Variants in UMOD observed in about 807,000 individuals in gnomAD.
UMOD encodes the protein Tamm-Horsfall urinary glycoprotein.
A neutral mutation model predicts 66.0 loss-of-function variants in UMOD; 64 were observed. The ratio of observed to expected loss-of-function variants is 0.97; its 90% CI spans 0.79 to 1.19. The LOEUF (loss-of-function observed/expected upper bound fraction) is 1.19, where lower values mean the gene tolerates loss of function less well. UMOD is among the 50% of genes most tolerant of loss of function. The pLI, the probability that UMOD is intolerant of heterozygous loss-of-function variation, is 0.00. For missense variants in UMOD, 764 were observed against 850.9 expected (o/e 0.90, Z 1.27); for synonymous variants, 398 against 352.7 (o/e 1.13, Z -1.44).
upstream of UMOD, among the ~76,000 whole-genome samples, chr16:20,354,360 C>T (rs1358065585): frequency 6.6e-6 from 1 of 152,116 alleles, no homozygotes; most frequent in Non-Finnish European, 1.5e-5. Flanking sequence ...CAAACAGCAC[C>T]CCAGAGAATT....
chr16:20,354,844 C>T (rs1369151716), upstream of UMOD, among the ~76,000 whole-genome samples: 10 of 152,072 alleles, frequency 6.6e-5, no homozygotes, highest in Non-Finnish European at 2.9e-5. Context: ...TGTGCCTTTC[C>T]GACTGCAAAT....
At chr16:20,349,669 T>C in intron 2 of UMOD, 3 of 1,455,822 alleles carry the variant, frequency 2.1e-6, no homozygotes, top group Non-Finnish European at 1.8e-6. Flanking sequence ...TCTTTTAAAA[T>C]AGCCACATTC....
intron 10 of UMOD, among the ~76,000 whole-genome samples, chr16:20,334,155 C>T (rs916763540): frequency 6.6e-6 from 1 of 151,836 alleles, no homozygotes; most frequent in Admixed American, 6.6e-5. Flanking sequence ...CCATGAAAAC[C>T]ATGGGCCATA....
Position 20,335,529 on chromosome 16 carries a change from G to GA in UMOD, c.1823-10dup. The GA allele has an allele frequency of 6.2e-7, 1 of 1,613,966 alleles. No individual in the cohort carries two copies. On this transcript the variant is annotated splice_polypyrimidine_tract_variant and intron_variant, in intron 9 of 10. Coordinates refer to ENST00000396138, the MANE Select transcript of UMOD (RefSeq NM_003361.4). ...GACTGTGGCCTGGACACCTTTGGAG[G>GA]AAAACAGAAGGATCAGTGAATAAAG...
intron 7 of UMOD, among the ~76,000 whole-genome samples, chr16:20,337,655 C>T (rs549045028): frequency 2.2e-4 from 34 of 152,220 alleles, no homozygotes; most frequent in African/African-American, 5.5e-4. Context: ...GGATTAAATT[C>T]GTTAATTTCT....
chr16:20,350,806 T>G lies in UMOD; in HGVS notation c.-69A>C. 6.2e-7 allele frequency: 1 copy of G among 1,604,034 alleles called. No homozygotes were observed. The highest frequency in any genetic ancestry group is 8.5e-7 in the Non-Finnish European group (1 of 1,175,258). ...CCAAAGGAAAGACGGGTTGGCCCTTTGAATTTTTCTCTCTGTCTCTGATGT... is the reference window on the plus strand; with the variant it reads ...CCAAAGGAAAGACGGGTTGGCCCTTGGAATTTTTCTCTCTGTCTCTGATGT... On this transcript the variant is annotated 5_prime_UTR_variant, in exon 2 of 11. Coordinates refer to ENST00000396138, the MANE Select transcript of UMOD (RefSeq NM_003361.4).
chr16:20,352,315 T>C (rs1298737127), intron 1 of UMOD, among the ~76,000 whole-genome samples: 1 of 152,136 alleles, frequency 6.6e-6, no homozygotes, highest in African/African-American at 2.4e-5. Flanking sequence ...AAAGGAATGA[T>C]TTTATGACCC....
At chr16:20,340,661 G>T (rs1384814082) in intron 7 of UMOD, among the ~76,000 whole-genome samples, 1 of 151,996 alleles carries the variant, frequency 6.6e-6, no homozygotes, top group Non-Finnish European at 1.5e-5. Flanking sequence ...TATAATGGAT[G>T]GGAATGCTAA....
upstream of UMOD, among the ~76,000 whole-genome samples, chr16:20,354,593 T>G (rs1966003624): frequency 6.6e-6 from 1 of 152,074 alleles, no homozygotes; most frequent in African/African-American, 2.4e-5. Flanking sequence ...GTCTAAACCT[T>G]ATTATGGGTG....
At chr16:20,346,425 C>T in intron 4 of UMOD, 91 bp from the exon 5 acceptor site, 1 of 1,316,264 alleles carries the variant, frequency 7.6e-7, no homozygotes. Flanking sequence ...GCTGGGCTGA[C>T]CACCATCTGG....
intron 9 of UMOD, among the ~76,000 whole-genome samples, chr16:20,336,186 A>G (rs1310196580): frequency 6.6e-6 from 1 of 152,020 alleles, no homozygotes; most frequent in Non-Finnish European, 1.5e-5. Flanking sequence ...TAGACCCTGC[A>G]CTTAATGGAT....
chr16:20,349,044 G>C lies in UMOD; in HGVS notation c.257C>G (p.Thr86Arg), dbSNP rs376787639. 55 of 1,602,486 alleles carry C rather than the reference G, an allele frequency of 3.4e-5. No individual in the cohort carries two copies. The African/African-American group carries it at 6.7e-4, about 20-fold the overall frequency. The change falls in exon 3 of 11, where the codon ACG becomes AGG. Residue 86 changes from threonine (T) to arginine (R), a missense_variant. By Grantham distance (71) the Thr-to-Arg change is moderately conservative. Coordinates refer to ENST00000396138, the MANE Select transcript of UMOD (RefSeq NM_003361.4). ...NCSANSSCVN[T>R]PGSFSCVCPE... ...GCAGACGCAGGAGAAGGAGCCTGGC[G>C]TGTTTACGCAGCTGCTGTTGGCGGA...
chr16:20,354,764 C>A (rs999944274), upstream of UMOD, among the ~76,000 whole-genome samples: 3 of 152,154 alleles, frequency 2.0e-5, no homozygotes, highest in Admixed American at 6.5e-5. Flanking sequence ...TGGGGCCTTA[C>A]TGATCATGGA....
chr16:20,336,780 G>A lies in UMOD; in HGVS notation c.1741-53C>T. ...CCCTCCATGAAGGAGCCTGAATGTG[G>A]TTCTGCCACGTGGAGTGGACTGCCC... On this transcript the variant is annotated intron_variant, in intron 8 of 10. Coordinates refer to ENST00000396138, the MANE Select transcript of UMOD (RefSeq NM_003361.4). The A allele has an allele frequency of 6.5e-6, 10 of 1,548,022 alleles. No homozygotes were observed. The Middle Eastern group carries it at 5.4e-4, about 83-fold the overall frequency.
At chr16:20,345,494 CCCTCCCTCCCTTCCTT>C (rs1965520565) in intron 5 of UMOD, among the ~76,000 whole-genome samples, 1 of 46,594 alleles carries the variant, frequency 2.1e-5, no homozygotes, top group African/African-American at 1.0e-4. Context: ...CTCCCTCCCT[CCCTCCCTCCCTTCCTT>C]CCTTCCTTCC....
At chr16:20,347,877 G>A (rs1479078742) in intron 4 of UMOD, among the ~76,000 whole-genome samples, 1 of 152,146 alleles carries the variant, frequency 6.6e-6, no homozygotes, top group African/African-American at 2.4e-5. Flanking sequence ...TCACCGGGCC[G>A]GGCTTGTGTT....
chr16:20,350,068 T>A (rs555964693), intron 2 of UMOD, among the ~76,000 whole-genome samples: 1 of 151,968 alleles, frequency 6.6e-6, no homozygotes, highest in African/African-American at 2.4e-5. Flanking sequence ...AGCCCCTTAC[T>A]CCTTTGGTAA....
At chr16:20,334,008 TG>T (rs1230292969) in intron 10 of UMOD, among the ~76,000 whole-genome samples, 1 of 116,796 alleles carries the variant, frequency 8.6e-6, no homozygotes, top group Admixed American at 1.3e-4. Context: ...CACTCCAGCC[TG>T]GGTGACAGAG....
rs1965586330 is a variant in UMOD at position 20,346,343 on chromosome 16, G to A, written c.974-9C>T. On this transcript the variant is annotated splice_polypyrimidine_tract_variant and intron_variant, in intron 4 of 10. Coordinates refer to ENST00000396138, the MANE Select transcript of UMOD (RefSeq NM_003361.4). ...CTCCAGGAGGGAGATATCTGAAACA[G>A]GTTAGGTGGGATTGAGGACGTGTGT... 3 of 1,614,086 alleles carry A rather than the reference G, an allele frequency of 1.9e-6. No homozygotes were observed. In the Admixed American group the frequency reaches 5.0e-5, roughly 27 times the overall value.
Sources: allele counts gnomAD v4.1 joint callset (sites outside exome capture counted in the v4.1 genomes callset), GRCh38; gene constraint gnomAD v4.1.1; transcripts MANE v1.5; gene names NCBI Gene and HGNC (gene_info 2026-07-23, HGNC 2026-07-21).